Variants in PIP5K1B observed in about 807,000 individuals in gnomAD.
The protein encoded by PIP5K1B is phosphatidylinositol 4-phosphate 5-kinase type-1 beta.
Under a neutral mutation model 67.0 loss-of-function variants are expected in PIP5K1B, and 42 were observed. The observed-to-expected ratio is 0.63, with a 90% CI of 0.49 to 0.81. PIP5K1B has a LOEUF of 0.81. Among genes scored for constraint, PIP5K1B ranks in the 30% least tolerant of loss-of-function variants. The probability of loss-of-function intolerance (pLI) is 0.00; values close to 1 mark genes in which losing one functional copy is unlikely to be tolerated. For missense variants in PIP5K1B, 459 were observed against 646.3 expected (o/e 0.71, Z 3.14); for synonymous variants, 214 against 231.4 (o/e 0.92, Z 0.68).
chr9:68,778,241 G>A (rs984979166), intron 2 of PIP5K1B, among the ~76,000 whole-genome samples: 3 of 152,116 alleles, frequency 2.0e-5, no homozygotes, highest in Non-Finnish European at 2.9e-5. Flanking sequence ...AACCTCAATC[G>A]TTCCTTCGTA....
chr9:68,905,174 G>T (rs370003672), intron 8 of PIP5K1B, among the ~76,000 whole-genome samples: 7 of 151,960 alleles, frequency 4.6e-5, no homozygotes, highest in East Asian at 3.9e-4. Context: ...AAAGTATTTG[G>T]GGGAGGGAGC....
intron 1 of PIP5K1B, among the ~76,000 whole-genome samples, chr9:68,717,760 C>T (rs1827703054): frequency 6.6e-6 from 1 of 152,030 alleles, no homozygotes; most frequent in Non-Finnish European, 1.5e-5. Flanking sequence ...CCTTTGTAGC[C>T]CAGTCAGTGT....
chr9:68,999,161 T>C (rs574059848), intron 15 of PIP5K1B, among the ~76,000 whole-genome samples: 6 of 152,356 alleles, frequency 3.9e-5, no homozygotes, highest in Admixed American at 3.3e-4. Flanking sequence ...TGTGCCTCTG[T>C]GTGGCCTCTC....
At chr9:68,793,108 A>T (rs1832081595) in intron 2 of PIP5K1B, among the ~76,000 whole-genome samples, 1 of 152,238 alleles carries the variant, frequency 6.6e-6, no homozygotes, top group African/African-American at 2.4e-5. Flanking sequence ...CATATAGTGT[A>T]TGTGTATACA....
At chr9:68,873,774 GT>G (rs1470402004) in intron 5 of PIP5K1B, among the ~76,000 whole-genome samples, 1 of 152,074 alleles carries the variant, frequency 6.6e-6, no homozygotes, top group Non-Finnish European at 1.5e-5. Context: ...ATTTGTAGAG[GT>G]TCTGTACTGG....
chr9:68,972,722 T>C (rs1829444599), intron 14 of PIP5K1B, among the ~76,000 whole-genome samples: 1 of 152,230 alleles, frequency 6.6e-6, no homozygotes, highest in South Asian at 2.1e-4. Flanking sequence ...ATGCTGGTTG[T>C]TAAGCCTTTA....
chr9:68,857,823 T>TC (rs1822856871), intron 4 of PIP5K1B, among the ~76,000 whole-genome samples: 1 of 152,038 alleles, frequency 6.6e-6, no homozygotes, highest in Non-Finnish European at 1.5e-5. Flanking sequence ...GCTGTGATCA[T>TC]ACCACTGCAC....
At chr9:68,945,660 A>C (rs1239733716) in intron 14 of PIP5K1B, among the ~76,000 whole-genome samples, 1 of 152,180 alleles carries the variant, frequency 6.6e-6, no homozygotes, top group African/African-American at 2.4e-5. Flanking sequence ...TTTAATTCTC[A>C]CAGCAATTCT....
intron 6 of PIP5K1B, among the ~76,000 whole-genome samples, chr9:68,878,896 AG>A (rs1169431905): frequency 1.3e-5 from 2 of 152,172 alleles, no homozygotes; most frequent in East Asian, 3.9e-4. Context: ...ATGGATGCTC[AG>A]GGGGTGAAGG....
chr9:68,864,951 A>C (rs1368916245), intron 5 of PIP5K1B, among the ~76,000 whole-genome samples: 2 of 152,220 alleles, frequency 1.3e-5, no homozygotes, highest in Admixed American at 1.3e-4. Context: ...TATCTTTAGA[A>C]TAATTGTCTT....
At chr9:68,872,436 T>G (rs1324142140) in intron 5 of PIP5K1B, among the ~76,000 whole-genome samples, 5 of 152,218 alleles carry the variant, frequency 3.3e-5, no homozygotes, top group African/African-American at 2.4e-5. Context: ...TATGCAGAGG[T>G]AAACAAACCT....
chr9:68,798,305 G>A lies in PIP5K1B; in HGVS notation c.-85-20156G>A, dbSNP rs189891343. On this transcript the variant is annotated intron_variant, in intron 2 of 15. Transcript: ENST00000265382. ...GGTAAATATTTCTTGAGCTCTTACT[G>A]TAGACACTGTGGACCAGTCATTGAA... Among the ~76,000 whole-genome samples the A allele has an allele frequency of 4.7e-3, 721 of 152,284 alleles. 2 individuals are homozygous for A. Among genetic ancestry groups the A allele is most frequent in the Non-Finnish European group, 7.7e-3 (524 of 68,030 alleles).
intron 12 of PIP5K1B, among the ~76,000 whole-genome samples, 171 bp downstream of exon 12, chr9:68,923,557 G>A (rs1826523751): frequency 2.0e-5 from 3 of 152,126 alleles, no homozygotes; most frequent in Non-Finnish European, 1.5e-5. Context: ...AATCATTAGA[G>A]TCCTGCTTAG....
At chr9:68,784,074 A>G (rs1303345716) in intron 2 of PIP5K1B, 1 of 167,092 alleles carries the variant, frequency 6.0e-6, no homozygotes, top group Non-Finnish European at 1.5e-5. Flanking sequence ...AGGTATGGAA[A>G]CATTATTTCT....
chr9:68,869,140 C>T (rs776113310), intron 5 of PIP5K1B, among the ~76,000 whole-genome samples: 8 of 152,110 alleles, frequency 5.3e-5, no homozygotes, highest in Non-Finnish European at 8.8e-5. Flanking sequence ...ACCAGGGATT[C>T]CCAATCCCTG....
At chr9:68,934,404 T>C (rs1239495708) in intron 12 of PIP5K1B, among the ~76,000 whole-genome samples, 1 of 152,170 alleles carries the variant, frequency 6.6e-6, no homozygotes, top group Non-Finnish European at 1.5e-5. Context: ...CTTGGCTAAA[T>C]TGGGCAACAT....
intron 5 of PIP5K1B, among the ~76,000 whole-genome samples, chr9:68,875,059 A>C (rs1053683889): frequency 2.8e-4 from 42 of 152,092 alleles, no homozygotes; most frequent in African/African-American, 3.4e-4. Context: ...TGGGTACAGC[A>C]CTGGGGCATC....
At chr9:68,721,790 A>C (rs1204419024) in intron 1 of PIP5K1B, among the ~76,000 whole-genome samples, 1 of 152,202 alleles carries the variant, frequency 6.6e-6, no homozygotes, top group Non-Finnish European at 1.5e-5. Context: ...TCTTGCCAGC[A>C]ATTAAAACCA....
At chr9:68,813,768 A>T (rs1833288315) in intron 2 of PIP5K1B, among the ~76,000 whole-genome samples, 1 of 152,170 alleles carries the variant, frequency 6.6e-6, no homozygotes, top group African/African-American at 2.4e-5. Flanking sequence ...GGCTGGAGTA[A>T]CACAGTGGCA....
Sources: gnomAD v4.1 joint callset for allele counts (sites outside exome capture counted in the v4.1 genomes callset) on GRCh38, gnomAD v4.1.1 for gene constraint, MANE v1.5 for transcripts, NCBI Gene and HGNC (gene_info 2026-07-23, HGNC 2026-07-21) for gene names.